CHRNA7: variants seen among roughly 807,000 people sequenced by gnomAD.
The protein encoded by CHRNA7 is neuronal acetylcholine receptor subunit alpha-7.
A neutral mutation model predicts 48.0 loss-of-function variants in CHRNA7; 17 were observed. The observed-to-expected ratio is 0.35, with a 90% CI of 0.24 to 0.53. The LOEUF (loss-of-function observed/expected upper bound fraction) is 0.53. Among genes scored for constraint, CHRNA7 ranks in the 20% least tolerant of loss-of-function variants. The pLI is 0.92. For missense variants in CHRNA7, 155 were observed against 577.7 expected, an observed-to-expected ratio of 0.27 and a Z score of 7.50; for synonymous variants, 75 against 242.3, an observed-to-expected ratio of 0.31 and a Z score of 6.41.
At chr15:32,087,684 G>A (rs1401326860) in intron 2 of CHRNA7, among the ~76,000 whole-genome samples, 2 of 152,146 alleles carry the variant, frequency 1.3e-5, no homozygotes, top group African/African-American at 4.8e-5. Context: ...TCTACACATG[G>A]CATCCATTTA....
chr15:32,144,286 G>C (rs964178140), intron 4 of CHRNA7, among the ~76,000 whole-genome samples: 1 of 152,224 alleles, frequency 6.6e-6, no homozygotes, highest in Non-Finnish European at 1.5e-5. Context: ...GAGATCCACT[G>C]TTAGTCTGAT....
intron 2 of CHRNA7, among the ~76,000 whole-genome samples, chr15:32,031,864 G>A (rs908001): frequency 0.99 from 150,168 of 152,308 alleles, 74,064 homozygotes; most frequent in East Asian, 1. Flanking sequence ...TTGTCTATAC[G>A]GAGTATCGGA....
chr15:32,134,151 T>G (rs1378687638), intron 4 of CHRNA7, among the ~76,000 whole-genome samples: 1 of 151,562 alleles, frequency 6.6e-6, no homozygotes, highest in African/African-American at 2.4e-5. Flanking sequence ...TACATGTGGG[T>G]TTTTTTGTGT....
chr15:32,051,672 G>C (rs944970456), intron 2 of CHRNA7, among the ~76,000 whole-genome samples: 3 of 152,204 alleles, frequency 2.0e-5, no homozygotes, highest in African/African-American at 7.2e-5. Flanking sequence ...TGCGCCCACT[G>C]TCTGGCACTC....
intron 1 of CHRNA7, 91 bp from the exon 2 acceptor site, chr15:32,030,807 G>T: frequency 6.5e-7 from 1 of 1,529,100 alleles, no homozygotes; most frequent in Non-Finnish European, 8.8e-7. Context: ...GGGCTGCACC[G>T]GGTGGGCGGC....
chr15:32,036,288 T>G (rs1398224991), intron 2 of CHRNA7, among the ~76,000 whole-genome samples: 1 of 152,240 alleles, frequency 6.6e-6, no homozygotes, highest in Non-Finnish European at 1.5e-5. Flanking sequence ...CACTGAATAA[T>G]ATGCCAGTGG....
At chr15:32,111,105 T>C (rs1402565441) in intron 3 of CHRNA7, 1 of 152,226 alleles carries the variant, frequency 6.6e-6, no homozygotes, top group East Asian at 1.9e-4. Flanking sequence ...CTCGGAGGGA[T>C]GACCCCAGAC....
chr15:32,149,147 A>G lies in CHRNA7; in HGVS notation c.351-4760A>G, dbSNP rs1031290017. ...AGGCCACAGGCCGGCATCTTCACAAACTGTGGATGTACTGTGTCTTCCAGT... is the reference window on the plus strand; with the variant it reads ...AGGCCACAGGCCGGCATCTTCACAAGCTGTGGATGTACTGTGTCTTCCAGT... On this transcript the variant is annotated intron_variant, in intron 4 of 9. Transcript: ENST00000306901. The surrounding 1 kb of genome is among the most constrained non-coding windows in gnomAD (Gnocchi z 4.6). 6.6e-6 allele frequency among the ~76,000 whole-genome samples: 1 copy of G among 152,182 alleles called. No homozygotes were observed. The highest frequency in any genetic ancestry group is 1.5e-5 in the Non-Finnish European group (1 of 68,020).
intron 2 of CHRNA7, among the ~76,000 whole-genome samples, chr15:32,060,565 GAA>G (rs2049863045): frequency 6.6e-6 from 1 of 152,086 alleles, no homozygotes; most frequent in Admixed American, 6.5e-5. Flanking sequence ...GAAAACACAA[GAA>G]AAGTCTGGTA....
At chr15:32,052,097 G>A (rs549559232) in intron 2 of CHRNA7, among the ~76,000 whole-genome samples, 3 of 152,172 alleles carry the variant, frequency 2.0e-5, no homozygotes, top group African/African-American at 7.2e-5. Flanking sequence ...TGGAAAGGTG[G>A]CCTCAAATCT....
intron 2 of CHRNA7, among the ~76,000 whole-genome samples, chr15:32,064,744 G>T (rs754395889): frequency 6.6e-5 from 10 of 152,100 alleles, no homozygotes; most frequent in Non-Finnish European, 1.3e-4. Flanking sequence ...CAAGGGAGGG[G>T]CTGGGGGTCA....
intron 2 of CHRNA7, among the ~76,000 whole-genome samples, chr15:32,032,359 T>C (rs928195849): frequency 1.3e-5 from 2 of 152,192 alleles, no homozygotes; most frequent in Non-Finnish European, 2.9e-5. Context: ...ACTTGGGATC[T>C]TCGGTGGGTT....
chr15:32,062,645 C>T (rs1380121784), intron 2 of CHRNA7, among the ~76,000 whole-genome samples: 1 of 152,108 alleles, frequency 6.6e-6, no homozygotes, highest in Non-Finnish European at 1.5e-5. Context: ...TTATGATTGC[C>T]TTTTGTCAAC....
At chr15:32,031,227 C>A (rs1292093647) in intron 2 of CHRNA7, among the ~76,000 whole-genome samples, 190 bp downstream of exon 2, 1 of 152,150 alleles carries the variant, frequency 6.6e-6, no homozygotes, top group African/African-American at 2.4e-5. Context: ...TCGGTTTCCC[C>A]TCCAGCCAAG....
At chr15:32,071,120 G>C (rs544993286) in intron 2 of CHRNA7, among the ~76,000 whole-genome samples, 1 of 152,216 alleles carries the variant, frequency 6.6e-6, no homozygotes, top group Admixed American at 6.5e-5. Flanking sequence ...TCTATTTCTA[G>C]AGTCTTTATT....
chr15:32,047,050 C>T (rs1349390312), intron 2 of CHRNA7, among the ~76,000 whole-genome samples: 1 of 134,548 alleles, frequency 7.4e-6, no homozygotes, highest in Non-Finnish European at 1.5e-5. Context: ...GGTACCAGTA[C>T]CATGCTGTTT....
intron 3 of CHRNA7, among the ~76,000 whole-genome samples, chr15:32,109,706 C>G (rs2050730569): frequency 6.6e-6 from 1 of 152,214 alleles, no homozygotes; most frequent in African/African-American, 2.4e-5. Context: ...TTTCTGAACC[C>G]TGGCGTCCTC....
intron 4 of CHRNA7, among the ~76,000 whole-genome samples, chr15:32,114,243 T>C (rs1313680350): frequency 6.6e-6 from 1 of 151,780 alleles, no homozygotes; most frequent in Non-Finnish European, 1.5e-5. Context: ...GGCCTATGTG[T>C]AGGATCTTTA....
chr15:32,095,455 G>C (rs1191914651), intron 2 of CHRNA7, among the ~76,000 whole-genome samples: 1 of 152,160 alleles, frequency 6.6e-6, no homozygotes. Flanking sequence ...TAAATAGCAA[G>C]ATGTTAACAT....
Sources: gnomAD v4.1 joint callset for allele counts (sites outside exome capture counted in the v4.1 genomes callset) on GRCh38, gnomAD v4.1.1 for gene constraint, Gnocchi (gnomAD v3.1) non-coding constraint, MANE v1.5 for transcripts, NCBI Gene and HGNC (gene_info 2026-07-23, HGNC 2026-07-21) for gene names.